COL6A3: variants seen among roughly 807,000 people sequenced by gnomAD.
The protein encoded by COL6A3 is collagen type VI alpha 3 chain.
COL6A3 carries 137 observed loss-of-function variants against 274.1 expected under a neutral mutation model. That is an observed-to-expected ratio of 0.50 (90% CI 0.44 to 0.58). The LOEUF (loss-of-function observed/expected upper bound fraction) is 0.58. Ranked by LOEUF, COL6A3 falls within the 20% of genes least tolerant of loss-of-function variation. The pLI is 0.00. For missense variants in COL6A3, 3,950 were observed against 4,124.9 expected, an observed-to-expected ratio of 0.96 and a Z score of 1.16; for synonymous variants, 1,650 against 1,650.6, an observed-to-expected ratio of 1.00 and a Z score of 0.01.
chr2:237,389,019 C>T (rs888534763), intron 3 of COL6A3, among the ~76,000 whole-genome samples: 5 of 152,172 alleles, frequency 3.3e-5, no homozygotes, highest in African/African-American at 9.7e-5. Flanking sequence ...AATTATCCAA[C>T]CTTGTTTTTA....
intron 3 of COL6A3, among the ~76,000 whole-genome samples, chr2:237,391,545 T>C (rs2078289042): frequency 6.8e-6 from 1 of 146,896 alleles, no homozygotes; most frequent in Non-Finnish European, 1.5e-5. Flanking sequence ...TTTGTTTGTT[T>C]GTTTTAGACA....
At chr2:237,359,560 T>C (rs542164594) in intron 17 of COL6A3, among the ~76,000 whole-genome samples, 172 bp from the exon 18 acceptor site, 51 of 152,374 alleles carry the variant, frequency 3.3e-4, no homozygotes, top group African/African-American at 1.2e-3. Flanking sequence ...CCACGTGCGA[T>C]GTTTTAAAAC....
chr2:237,379,193 GA>G lies in COL6A3; in HGVS notation c.1939del (p.Ser647GlnfsTer16). 1 of 1,614,170 alleles carries G rather than the reference GA, an allele frequency of 6.2e-7. No homozygotes were observed. The highest frequency in any genetic ancestry group is 1.3e-5 in the African/African-American group (1 of 75,042). ...KRDIIFLLDGSANVGKTNFPY... is the reference protein window; with the variant it reads ...KRDIIFLLDGXANVGKTNFPY... ...GAAATTGGTTTTTCCAACGTTGGCT[GA>G]TCCATCCAAAAGAAAGATGATATCC... On this transcript the variant is annotated frameshift_variant, in exon 6 of 44. Transcript: ENST00000295550. LOFTEE classifies it high-confidence loss of function.
chr2:237,340,363 C>T (rs1450527209), intron 38 of COL6A3, 89 bp downstream of exon 38: 2 of 1,219,380 alleles, frequency 1.6e-6, no homozygotes, highest in African/African-American at 1.5e-5. Context: ...GTCAACACAT[C>T]GGTTGTCTTT....
rs772967228 is a variant in COL6A3, at chr2:237,340,540, G to A, written c.8376C>T (p.Asp2792=). Residue 2792 remains aspartate (D), a synonymous_variant, in exon 38 of 44, where the codon GAC becomes GAT. Coordinates refer to ENST00000295550, the MANE Select transcript of COL6A3 (RefSeq NM_004369.4). ...EVYTFASEPN[D]VFFKLVDKST... ...ACTTGTCCACTAATTTGAAGAAGAC[G>A]TCGTTTGGCTCACTGGCGAAGGTGT... 2.8e-5 allele frequency: 45 copies of A among 1,614,074 alleles called. No homozygotes were observed. The highest frequency in any genetic ancestry group is 2.0e-4 in the South Asian group (18 of 91,080).
chr2:237,364,474 T>A lies in COL6A3; in HGVS notation c.5839-46A>T. 7.1e-7 allele frequency: 1 copy of A among 1,413,320 alleles called. No homozygotes were observed. The highest frequency in any genetic ancestry group is 1.0e-6 in the Non-Finnish European group (1 of 998,486). 87.5% of individuals were successfully genotyped at this position (1,413,320 alleles called of 1,614,324 possible). The stretch of plus-strand genomic sequence containing the variant: ...AAATCCCAGGAAAACTAAAAAGGAG[T>A]GTTGCAGACTGCTGATAGAAAACTG... On this transcript the variant is annotated intron_variant, in intron 12 of 43. Coordinates refer to ENST00000295550, the MANE Select transcript of COL6A3 (RefSeq NM_004369.4). This position sits in a 1 kb window ranked among gnomAD's most constrained non-coding sequence, Gnocchi z 4.6.
In COL6A3 at chr2:237,374,671, C is replaced by A. The variant is rs35489467; in HGVS notation, c.3420G>T (p.Thr1140=). The A allele has an allele frequency of 6.2e-7, 1 of 1,613,880 alleles. No homozygotes were observed. Among genetic ancestry groups the A allele is most frequent in the African/African-American group, 1.3e-5 (1 of 75,042 alleles). ...GCACATCATCCCCAGACCTGTCGGC[C>A]GTGAGGACGATCAGCAGCTGGGGCA... is the stretch of plus-strand genomic sequence containing the variant. ...EGVPQLLIVL[T]ADRSGDDVRN... is the part of the protein sequence containing the mutation. Residue 1140 remains threonine (T), a synonymous_variant, in exon 8 of 44, where the codon ACG becomes ACT. Coordinates refer to ENST00000295550, the MANE Select transcript of COL6A3 (RefSeq NM_004369.4). The surrounding 1 kb of genome is among the most constrained non-coding windows in gnomAD (Gnocchi z 4.8).
intron 3 of COL6A3, among the ~76,000 whole-genome samples, chr2:237,391,874 G>A (rs1415185878): frequency 6.6e-6 from 1 of 152,182 alleles, no homozygotes; most frequent in Non-Finnish European, 1.5e-5. Flanking sequence ...TGATGGATCA[G>A]GGAATTAATG....
intron 13 of COL6A3, 54 bp from the exon 14 acceptor site, chr2:237,363,452 TG>T: frequency 6.2e-7 from 1 of 1,603,072 alleles, no homozygotes; most frequent in Non-Finnish European, 8.5e-7. Context: ...GAAAATGCAA[TG>T]TCCTTTTTTC....
At chr2:237,359,321 G>T (rs1450376271) in intron 18 of COL6A3, 41 bp downstream of exon 18, 1 of 1,614,054 alleles carries the variant, frequency 6.2e-7, no homozygotes, top group South Asian at 1.1e-5. Flanking sequence ...AGAAATACTG[G>T]GAGAGTTTTC....
rs759774701 is a variant in COL6A3 at position 237,374,393 on chromosome 2, CAA to C, written c.3679+17_3679+18del. The C allele has an allele frequency of 4.9e-5, 79 of 1,609,632 alleles. 1 individual carries two copies. In the East Asian group the frequency reaches 1.0e-3, roughly 21 times the overall value. On this transcript the variant is annotated intron_variant, in intron 8 of 43. Coordinates refer to ENST00000295550, the MANE Select transcript of COL6A3 (RefSeq NM_004369.4). This position sits in a 1 kb window ranked among gnomAD's most constrained non-coding sequence, Gnocchi z 4.8. ...CAGACAATGACACTGAGTGAGGATG[CAA>C]AGAGTTCCCTGCGTACCTGGGCTCG...
chr2:237,348,549 C>A, intron 29 of COL6A3, 64 bp downstream of exon 29: 1 of 1,508,160 alleles, frequency 6.6e-7, no homozygotes, highest in East Asian at 2.3e-5. Context: ...CACAACACAT[C>A]AGAAGTTGTC....
At chr2:237,379,350 T>C (rs1312036664) in intron 5 of COL6A3, 115 bp from the exon 6 acceptor site, 2 of 1,258,142 alleles carry the variant, frequency 1.6e-6, no homozygotes, top group African/African-American at 1.5e-5. Context: ...AAAGTCAGCA[T>C]GGCAAAGCAT....
intron 17 of COL6A3, 132 bp downstream of exon 17, chr2:237,359,956 T>TGAGA: frequency 1.1e-6 from 1 of 907,248 alleles, no homozygotes; most frequent in Non-Finnish European, 1.8e-6. Context: ...TGCCTTCCAA[T>TGAGA]GAGAGGTCAC....
intron 11 of COL6A3, 52 bp downstream of exon 11, chr2:237,366,634 AG>A: frequency 6.2e-7 from 1 of 1,614,024 alleles, no homozygotes; most frequent in Non-Finnish European, 8.5e-7. Flanking sequence ...ACAGCTAAAG[AG>A]GCACAAATGT....
chr2:237,335,264 C>A (rs1700481080), intron 40 of COL6A3, among the ~76,000 whole-genome samples: 2 of 152,114 alleles, frequency 1.3e-5, no homozygotes, highest in Admixed American at 1.3e-4. Flanking sequence ...ACATGAAATT[C>A]TTTTAAAGGA....
intron 3 of COL6A3, among the ~76,000 whole-genome samples, chr2:237,391,406 A>G (rs1029203232): frequency 6.6e-6 from 1 of 152,236 alleles, no homozygotes. Context: ...TTGTTTGTCC[A>G]TTACATAATG....
At chr2:237,396,879 C>A in intron 1 of COL6A3, 32 bp from the exon 2 acceptor site, 1 of 1,473,622 alleles carries the variant, frequency 6.8e-7, no homozygotes, top group South Asian at 1.1e-5. Flanking sequence ...AGGGAATGAT[C>A]AGTTTTTGAC....
chr2:237,341,012 A>T lies in COL6A3; in HGVS notation c.7904T>A (p.Phe2635Tyr). The stretch of plus-strand genomic sequence containing the variant: ...CGCTATGTACTTCTTCATCTCATTG[A>T]ACTGGAACAGGGTGGTGGTCTCAGC... ...DSAETTTLFQFNEMKKYIAYL... is the reference protein window; with the variant it reads ...DSAETTTLFQYNEMKKYIAYL... Residue 2635 changes from phenylalanine (F) to tyrosine (Y), a missense_variant, in exon 38 of 44, where the codon TTC (phenylalanine) becomes TAC (tyrosine). Physicochemically the swap from Phe to Tyr is conservative, Grantham distance 22 (BLOSUM62 3). Coordinates refer to ENST00000295550, the MANE Select transcript of COL6A3 (RefSeq NM_004369.4). The T allele has an allele frequency of 6.2e-7, 1 of 1,614,126 alleles. No homozygotes were observed. Among genetic ancestry groups the T allele is most frequent in the Non-Finnish European group, 8.5e-7 (1 of 1,180,030 alleles).
Sources: gnomAD v4.1 joint callset for allele counts (sites outside exome capture counted in the v4.1 genomes callset) on GRCh38, gnomAD v4.1.1 for gene constraint, Gnocchi (gnomAD v3.1) non-coding constraint, MANE v1.5 for transcripts, NCBI Gene and HGNC (gene_info 2026-07-23, HGNC 2026-07-21) for gene names.